PDK1: variants seen among roughly 807,000 people sequenced by gnomAD.
PDK1 encodes the protein [Pyruvate dehydrogenase (acetyl-transferring)] kinase isozyme 1, mitochondrial.
PDK1 carries 39 observed loss-of-function variants against 54.2 expected under a neutral mutation model. The ratio of observed to expected loss-of-function variants is 0.72; its 90% CI spans 0.56 to 0.94. The LOEUF is 0.94. Among genes scored for constraint, PDK1 ranks in the 40% least tolerant of loss-of-function variants. The pLI is 0.00. For missense variants in PDK1, 552 were observed against 566.0 expected (o/e 0.98, Z 0.25); for synonymous variants, 221 against 207.1 (o/e 1.07, Z -0.58).
downstream of PDK1, among the ~76,000 whole-genome samples, chr2:172,610,037 G>T (rs1691414311): frequency 6.6e-6 from 1 of 152,084 alleles, no homozygotes; most frequent in African/African-American, 2.4e-5. Flanking sequence ...GGTCTGGCTG[G>T]TCTCAAACTC....
At chr2:172,658,993 A>G in the PDK1 span, among the ~76,000 whole-genome samples, 2 of 152,164 alleles carry the variant, frequency 1.3e-5, no homozygotes, top group Non-Finnish European at 2.9e-5. Flanking sequence ...CCTCAGAAGC[A>G]TGTGATCTTT....
At chr2:172,641,537 G>C in the PDK1 span, among the ~76,000 whole-genome samples, 4 of 151,196 alleles carry the variant, frequency 2.6e-5, no homozygotes, top group Non-Finnish European at 5.9e-5. Context: ...TGCCTCCCGG[G>C]TTCACACTGT....
chr2:172,703,768 T>TTTTTTTTTTTTTTTTTTTTTTTTTC, the PDK1 span, among the ~76,000 whole-genome samples: 1 of 117,462 alleles, frequency 8.5e-6, no homozygotes. Context: ...CTTTCTTTCT[T>TTTTTTTTTTTTTTTTTTTTTTTTTC]TTTTTTTTTT....
At chr2:172,635,507 G>A in the PDK1 span, among the ~76,000 whole-genome samples, 1 of 152,156 alleles carries the variant, frequency 6.6e-6, no homozygotes, top group Non-Finnish European at 1.5e-5. Flanking sequence ...ATAGAGATGA[G>A]TTTTTGCCAT....
chr2:172,640,666 C>T, the PDK1 span, among the ~76,000 whole-genome samples: 1 of 152,092 alleles, frequency 6.6e-6, no homozygotes, highest in Non-Finnish European at 1.5e-5. Flanking sequence ...CACAATGAGG[C>T]AATAGTCTTT....
the PDK1 span, among the ~76,000 whole-genome samples, chr2:172,658,150 C>G: frequency 6.6e-6 from 1 of 152,158 alleles, no homozygotes; most frequent in South Asian, 2.1e-4. Context: ...AAAACACCTC[C>G]CATTAGGCTC....
the PDK1 span, among the ~76,000 whole-genome samples, chr2:172,695,707 C>T: frequency 6.6e-6 from 1 of 152,106 alleles, no homozygotes; most frequent in African/African-American, 2.4e-5. Flanking sequence ...TGATGAATTG[C>T]TTATGTTGGG....
At chr2:172,656,133 C>A in the PDK1 span, among the ~76,000 whole-genome samples, 1 of 152,182 alleles carries the variant, frequency 6.6e-6, no homozygotes, top group African/African-American at 2.4e-5. Flanking sequence ...CTGAGATTAT[C>A]CTCAAGTACA....
intron 7 of PDK1, among the ~76,000 whole-genome samples, chr2:172,569,638 A>C (rs532893514): frequency 1.3e-5 from 2 of 152,332 alleles, no homozygotes; most frequent in Admixed American, 1.3e-4. Flanking sequence ...CGAATATCTT[A>C]GAACAGCAGC....
chr2:172,556,259 G>A lies in PDK1; in HGVS notation c.109G>A (p.Ala37Thr). 6.8e-7 allele frequency: 1 copy of A among 1,481,050 alleles called. No individual in the cohort carries two copies. Among genetic ancestry groups the A allele is most frequent in the South Asian group, 1.3e-5 (1 of 77,494 alleles). 91.7% of individuals were successfully genotyped at this position (1,481,050 alleles called of 1,614,324 possible). ...CAGCTCGGACTCGGGCTCCAGCCCGGCGTCCGAGCGCGGCGTTCCGGGCCA... is the reference window on the plus strand; with the variant it reads ...CAGCTCGGACTCGGGCTCCAGCCCGACGTCCGAGCGCGGCGTTCCGGGCCA... ...SFSSDSGSSP[A>T]SERGVPGQVD... Residue 37 changes from alanine to threonine, a missense_variant, in exon 1 of 11, where the codon GCG (alanine) becomes ACG (threonine). Physicochemically the swap from Ala to Thr is moderately conservative, Grantham distance 58 (BLOSUM62 0). Coordinates refer to ENST00000282077, the MANE Select transcript of PDK1 (RefSeq NM_002610.5).
chr2:172,637,138 G>A, the PDK1 span, among the ~76,000 whole-genome samples: 1 of 152,208 alleles, frequency 6.6e-6, no homozygotes, highest in African/African-American at 2.4e-5. Context: ...ACTGACTCAA[G>A]TGATTTCTGT....
At chr2:172,557,733 G>A (rs1488971742) in intron 1 of PDK1, among the ~76,000 whole-genome samples, 2 of 151,444 alleles carry the variant, frequency 1.3e-5, no homozygotes. Context: ...TCCCACCTCG[G>A]CCTCCCAAAG....
chr2:172,713,661 G>A, the PDK1 span, among the ~76,000 whole-genome samples: 23 of 152,246 alleles, frequency 1.5e-4, no homozygotes, highest in Non-Finnish European at 2.6e-4. Flanking sequence ...GGAGAGGCCA[G>A]GCAACGCGGG....
rs1688306600 is a variant in PDK1, at chr2:172,556,164, G to A, written c.14G>A (p.Arg5Gln). Residue 5 changes from arginine (R) to glutamine (Q), a missense_variant, in exon 1 of 11, where the codon CGG (arginine) becomes CAG (glutamine). By Grantham distance (43) the Arg-to-Gln change is conservative (BLOSUM62 1). Coordinates refer to ENST00000282077, the MANE Select transcript of PDK1 (RefSeq NM_002610.5). MRLA[R>Q]LLRGAALAGP... is the part of the protein sequence containing the mutation. The stretch of plus-strand genomic sequence containing the variant: ...GCGGGACTCGGCATGAGGCTGGCGC[G>A]GCTGCTTCGCGGAGCCGCCTTGGCC... 7.1e-7 allele frequency: 1 copy of A among 1,415,032 alleles called. No individual in the cohort carries two copies. The allele number at this position is 1,415,032 out of a possible 1,614,324, so 87.7% of individuals were successfully genotyped here. A position where few individuals can be genotyped will look rare whatever the true frequency, so the allele number is the denominator to read the frequency against.
chr2:172,562,362 A>C, intron 3 of PDK1, 71 bp downstream of exon 3: 1 of 911,974 alleles, frequency 1.1e-6, no homozygotes, highest in Non-Finnish European at 1.8e-6. Context: ...GTTAACTTTT[A>C]GGTTTCTACT....
intron 8 of PDK1, among the ~76,000 whole-genome samples, chr2:172,582,400 A>G (rs35880823): frequency 0.2 from 30,892 of 152,080 alleles, 4,157 homozygotes; most frequent in African/African-American, 0.38. Flanking sequence ...TAGAGTTCAC[A>G]TGAATTAACC....
At chr2:172,584,296 C>G (rs148899589) in intron 8 of PDK1, among the ~76,000 whole-genome samples, 2 of 150,994 alleles carry the variant, frequency 1.3e-5, no homozygotes, top group African/African-American at 4.9e-5. Flanking sequence ...ATTCTACAGA[C>G]AATAAAATTA....
chr2:172,638,802 A>C, the PDK1 span, among the ~76,000 whole-genome samples: 1 of 152,136 alleles, frequency 6.6e-6, no homozygotes, highest in Non-Finnish European at 1.5e-5. Context: ...ACCAATCAGC[A>C]CTCTGTGTCT....
chr2:172,573,429 GCTGT>G (rs1226062959), intron 8 of PDK1, among the ~76,000 whole-genome samples: 1 of 151,456 alleles, frequency 6.6e-6, no homozygotes, highest in Non-Finnish European at 1.5e-5. Context: ...TTTAAAATTG[GCTGT>G]CTTTTATTGT....
Sources: gnomAD v4.1 joint callset for allele counts (sites outside exome capture counted in the v4.1 genomes callset) on GRCh38, gnomAD v4.1.1 for gene constraint, MANE v1.5 for transcripts, NCBI Gene and HGNC (gene_info 2026-07-23, HGNC 2026-07-21) for gene names.